NOS1AP: variants seen among roughly 807,000 people sequenced by gnomAD.
NOS1AP encodes nitric oxide synthase 1 adaptor protein, also known as carboxyl-terminal PDZ ligand of neuronal nitric oxide synthase protein.
A neutral mutation model predicts 56.2 loss-of-function variants in NOS1AP; 21 were observed. The observed-to-expected ratio is 0.37, with a 90% confidence interval of 0.26 to 0.54. The LOEUF (loss-of-function observed/expected upper bound fraction) is 0.54, where lower values mean the gene tolerates loss of function less well. NOS1AP is among the 20% of genes least tolerant of loss of function. The pLI, the probability that NOS1AP is intolerant of heterozygous loss-of-function variation, is 0.84. For synonymous variants in NOS1AP, 270 were observed against 274.6 expected (o/e 0.98, Z 0.17); for missense variants, 522 against 657.8 (o/e 0.79, Z 2.26).
At chr1:162,150,800 CA>C (rs1649674588) in intron 1 of NOS1AP, among the ~76,000 whole-genome samples, 2 of 152,102 alleles carry the variant, frequency 1.3e-5, no homozygotes, top group Non-Finnish European at 2.9e-5. Flanking sequence ...ATATTTAAAT[CA>C]GATTATTAGA....
chr1:162,085,457 G>A (rs1691982809), intron 1 of NOS1AP, among the ~76,000 whole-genome samples: 1 of 152,104 alleles, frequency 6.6e-6, no homozygotes, highest in Non-Finnish European at 1.5e-5. Flanking sequence ...GTTTCACTGG[G>A]AAGACCAAGA....
chr1:162,351,311 A>T (rs906928463), intron 6 of NOS1AP, among the ~76,000 whole-genome samples: 3 of 152,074 alleles, frequency 2.0e-5, no homozygotes, highest in African/African-American at 7.2e-5. Context: ...TGAGCTTGTA[A>T]CTCCTTGCTC....
At chr1:162,264,446 T>TCTCC (rs1557855253) in intron 2 of NOS1AP, among the ~76,000 whole-genome samples, 7 of 1,524 alleles carry the variant, frequency 4.6e-3, no homozygotes, top group African/African-American at 0.013. Flanking sequence ...TTCTCTTCTC[T>TCTCC]TCTCTTCTCT....
At chr1:162,280,079 C>T (rs961678978) in intron 2 of NOS1AP, among the ~76,000 whole-genome samples, 1 of 152,026 alleles carries the variant, frequency 6.6e-6, no homozygotes, top group African/African-American at 2.4e-5. Flanking sequence ...TTTGGGAGGC[C>T]GAGGTGGGAG....
At chr1:162,361,984 A>T (rs1657918944) in intron 8 of NOS1AP, among the ~76,000 whole-genome samples, 1 of 152,166 alleles carries the variant, frequency 6.6e-6, no homozygotes, top group South Asian at 2.1e-4. Flanking sequence ...AGAATTATCA[A>T]CTGTCTCAGC....
chr1:162,241,559 G>A (rs1460902176), intron 2 of NOS1AP, among the ~76,000 whole-genome samples: 1 of 152,138 alleles, frequency 6.6e-6, no homozygotes, highest in Non-Finnish European at 1.5e-5. Context: ...GTATGAGGTA[G>A]ATACTATTAT....
At chr1:162,102,459 A>G (rs1647326434) in intron 1 of NOS1AP, among the ~76,000 whole-genome samples, 1 of 152,196 alleles carries the variant, frequency 6.6e-6, no homozygotes, top group African/African-American at 2.4e-5. Context: ...TGCTGGCCTC[A>G]TAGAATGAGT....
At chr1:162,159,798 G>A (rs890455459) in intron 2 of NOS1AP, among the ~76,000 whole-genome samples, 3 of 152,194 alleles carry the variant, frequency 2.0e-5, no homozygotes, top group African/African-American at 7.2e-5. Flanking sequence ...TCCACCAAGG[G>A]GGTTCTGGGG....
intron 6 of NOS1AP, among the ~76,000 whole-genome samples, chr1:162,350,409 T>C (rs1387853892): frequency 1.3e-5 from 2 of 152,252 alleles, no homozygotes; most frequent in African/African-American, 2.4e-5. Flanking sequence ...GAGTTTTGTC[T>C]TTTGTATCAT....
intron 2 of NOS1AP, among the ~76,000 whole-genome samples, chr1:162,203,776 T>C (rs1364050306): frequency 6.6e-6 from 1 of 152,178 alleles, no homozygotes; most frequent in African/African-American, 2.4e-5. Context: ...TCCACCTTGC[T>C]TCTGAAAGGG....
intron 3 of NOS1AP, among the ~76,000 whole-genome samples, chr1:162,289,203 C>A (rs1655187614): frequency 2.4e-5 from 3 of 123,096 alleles, no homozygotes; most frequent in Admixed American, 8.6e-5. Flanking sequence ...TTCCTTCCTT[C>A]CTTCCTTTCC....
intron 2 of NOS1AP, among the ~76,000 whole-genome samples, chr1:162,165,888 A>G (rs181182460): frequency 2.6e-4 from 40 of 152,270 alleles, no homozygotes; most frequent in Non-Finnish European, 4.7e-4. Flanking sequence ...AGGCACCTTA[A>G]ATTCAATATG....
At chr1:162,121,238 T>C (rs1648218076) in intron 1 of NOS1AP, among the ~76,000 whole-genome samples, 1 of 151,612 alleles carries the variant, frequency 6.6e-6, no homozygotes, top group African/African-American at 2.4e-5. Flanking sequence ...TGGCACGATC[T>C]TGGTTCAGCC....
intron 2 of NOS1AP, among the ~76,000 whole-genome samples, chr1:162,252,169 C>T (rs1207430411): frequency 6.6e-6 from 1 of 152,016 alleles, no homozygotes; most frequent in Admixed American, 6.6e-5. Context: ...ACATCAGCCT[C>T]CTGAGTAGCT....
intron 2 of NOS1AP, among the ~76,000 whole-genome samples, chr1:162,246,630 A>C (rs540799806): frequency 2.5e-4 from 38 of 152,300 alleles, no homozygotes; most frequent in African/African-American, 9.1e-4. Context: ...TACTGTACAG[A>C]AATAGTAATT....
At chr1:162,129,304 T>C (rs1648638562) in intron 1 of NOS1AP, among the ~76,000 whole-genome samples, 2 of 152,130 alleles carry the variant, frequency 1.3e-5, no homozygotes, top group African/African-American at 4.8e-5. Context: ...TTAGGTGTCC[T>C]CCCCATAATT....
At chr1:162,328,022 A>G (rs7555808) in intron 4 of NOS1AP, among the ~76,000 whole-genome samples, 6,956 of 152,282 alleles carry the variant, frequency 0.046, 445 homozygotes, top group African/African-American at 0.14. Flanking sequence ...TATGTAACTG[A>G]GTTTTTTGCC....
chr1:162,154,719 C>T (rs1649862505), intron 2 of NOS1AP, among the ~76,000 whole-genome samples: 1 of 152,168 alleles, frequency 6.6e-6, no homozygotes, highest in Non-Finnish European at 1.5e-5. Context: ...CCTGTAGCTC[C>T]TCAAACTGAG....
chr1:162,164,123 G>C (rs16857507), intron 2 of NOS1AP, among the ~76,000 whole-genome samples: 1 of 152,174 alleles, frequency 6.6e-6, no homozygotes, highest in African/African-American at 2.4e-5. Context: ...TCCACGGGAG[G>C]ATTTGATATT....
Sources: gnomAD v4.1 joint callset for allele counts (sites outside exome capture counted in the v4.1 genomes callset) on GRCh38, gnomAD v4.1.1 for gene constraint, MANE v1.5 for transcripts, NCBI Gene and HGNC (gene_info 2026-07-23, HGNC 2026-07-21) for gene names.